The following DNAJC13 variants were observed in gnomAD, a reference collection of about 807,000 sequenced individuals.
The protein encoded by DNAJC13 is DnaJ heat shock protein family (Hsp40) member C13, also known as dnaJ homolog subfamily C member 13.
A neutral mutation model predicts 290.5 loss-of-function variants in DNAJC13; 75 were observed. That is an observed-to-expected ratio of 0.26 (90% CI 0.21 to 0.31). DNAJC13 has a LOEUF of 0.31. Among genes scored for constraint, DNAJC13 ranks in the 10% least tolerant of loss-of-function variants. DNAJC13 has a pLI of 1.00. For missense variants in DNAJC13, 2,260 were observed against 2,674.5 expected, an observed-to-expected ratio of 0.85 and a Z score of 3.42; for synonymous variants, 862 against 892.0, an observed-to-expected ratio of 0.97 and a Z score of 0.60.
intron 6 of DNAJC13, among the ~76,000 whole-genome samples, chr3:132,452,789 G>A (rs1027492559): frequency 1.6e-4 from 25 of 152,308 alleles, no homozygotes; most frequent in African/African-American, 5.3e-4. Flanking sequence ...TACTCATCCT[G>A]TAGCCTGTTC....
rs201731372 is a variant in DNAJC13 at position 132,477,807 on chromosome 3, G to T, written c.2464G>T (p.Ala822Ser). 2 of 1,611,954 alleles carry T rather than the reference G, an allele frequency of 1.2e-6. No homozygotes were observed. The highest frequency in any genetic ancestry group is 1.7e-6 in the Non-Finnish European group (2 of 1,179,234). The change falls in exon 23 of 56, where the codon GCA becomes TCA. Residue 822 changes from alanine to serine, a missense_variant. Ala to Ser is a moderately conservative substitution (Grantham distance 99). This residue lies in a region of DNAJC13 where 4 missense variants were observed against 16.7 expected (regional missense o/e 0.24). Transcript: ENST00000260818. ...TATGAAGGTTAAATATGAGTGCCTG[G>T]CAGAGGAAATTAAAATAGGAGACTA... ...HEFEVKYECLAEEIKIGDYYL... is the reference protein window; with the variant it reads ...HEFEVKYECLSEEIKIGDYYL...
In DNAJC13 at chr3:132,522,544, C is replaced by T. The variant is rs76557148; in HGVS notation, c.5674-284C>T. Among the ~76,000 whole-genome samples the T allele has an allele frequency of 4.4e-3, 672 of 152,106 alleles. 4 individuals are homozygous for T. The highest frequency in any genetic ancestry group is 0.016 in the African/African-American group (653 of 41,498). ...TGGGAACTTTACCATACTAGTGATA[C>T]GGAGGCAGGGGGTGAAAATGAAACT... On this transcript the variant is annotated intron_variant, in intron 48 of 55. Transcript: ENST00000260818.
chr3:132,482,300 A>G lies in DNAJC13; in HGVS notation c.2949A>G (p.Lys983=). Residue 983 remains lysine (K), a synonymous_variant, in exon 27 of 56, where the codon AAA becomes AAG. Coordinates refer to ENST00000260818, the MANE Select transcript of DNAJC13 (RefSeq NM_015268.4). ...EKEWYFGNAD[K]ERSGPYGFHE... Reference sequence around the variant, plus strand: ...AATGGTATTTTGGCAACGCAGACAAAGAAAGGAGTGGCCCGTATGGATTTC... The same window carrying G: ...AATGGTATTTTGGCAACGCAGACAAGGAAAGGAGTGGCCCGTATGGATTTC... The G allele has an allele frequency of 6.2e-7, 1 of 1,613,840 alleles. No individual in the cohort carries two copies. The highest frequency in any genetic ancestry group is 8.5e-7 in the Non-Finnish European group (1 of 1,179,788).
At chr3:132,440,022 C>T (rs1424887296) in intron 2 of DNAJC13, among the ~76,000 whole-genome samples, 1 of 152,198 alleles carries the variant, frequency 6.6e-6, no homozygotes, top group Non-Finnish European at 1.5e-5. Context: ...CTTTGGGAGG[C>T]CAAGGCTGGA....
At chr3:132,466,115 T>G in intron 18 of DNAJC13, 45 bp downstream of exon 18, 2 of 1,522,762 alleles carry the variant, frequency 1.3e-6, no homozygotes, top group Non-Finnish European at 1.8e-6. Flanking sequence ...TAATAAAATT[T>G]AATTGAACAA....
At chr3:132,432,500 C>G (rs1485025643) in intron 1 of DNAJC13, among the ~76,000 whole-genome samples, 1 of 152,074 alleles carries the variant, frequency 6.6e-6, no homozygotes, top group Non-Finnish European at 1.5e-5. Flanking sequence ...CCACCGCTCC[C>G]GGCCTCTACA....
intron 5 of DNAJC13, among the ~76,000 whole-genome samples, chr3:132,449,008 C>T (rs150029561): frequency 5.3e-5 from 8 of 152,064 alleles, no homozygotes; most frequent in Admixed American, 2.0e-4. Flanking sequence ...GTCTTTTGTA[C>T]CAGTTAACTT....
intron 1 of DNAJC13, among the ~76,000 whole-genome samples, chr3:132,428,679 C>G (rs1939167349): frequency 6.6e-6 from 1 of 152,028 alleles, no homozygotes; most frequent in Non-Finnish European, 1.5e-5. Context: ...ATCCTGAGAT[C>G]ATATATTGGT....
At chr3:132,499,679 C>G in intron 37 of DNAJC13, 55 bp from the exon 38 acceptor site, 2 of 1,451,930 alleles carry the variant, frequency 1.4e-6, no homozygotes, top group Non-Finnish European at 1.9e-6. Context: ...CTAGAAAAGG[C>G]CTTTCAGACT....
In DNAJC13 at chr3:132,494,299, CTTAA is replaced by C. The variant is rs1450308561; in HGVS notation, c.3941+41_3941+44del. ...GTACAATAGCAAATGTCTGTCCCAC[CTTAA>C]AGTACCAGTATCAAAGACTAAGTTA... On this transcript the variant is annotated intron_variant, in intron 34 of 55. Transcript: ENST00000260818. The C allele has an allele frequency of 4.2e-6, 6 of 1,411,794 alleles. No homozygotes were observed. The Admixed American group carries it at 1.0e-4, about 25-fold the overall frequency. The allele number at this position is 1,411,794 out of a possible 1,614,324, so 87.5% of individuals were successfully genotyped here.
At chr3:132,472,697 T>G in intron 20 of DNAJC13, 1 of 631,894 alleles carries the variant, frequency 1.6e-6, no homozygotes, top group Non-Finnish European at 2.0e-6. Flanking sequence ...GTAGACACAT[T>G]TCTTCTCCAT....
chr3:132,498,152 G>A (rs938795673), intron 36 of DNAJC13, among the ~76,000 whole-genome samples: 8 of 152,146 alleles, frequency 5.3e-5, no homozygotes, highest in African/African-American at 1.7e-4. Context: ...TTAACTAAAT[G>A]TAGTTTAAAA....
chr3:132,467,091 T>C (rs1934020665), intron 19 of DNAJC13, 79 bp from the exon 20 acceptor site: 5 of 1,456,724 alleles, frequency 3.4e-6, no homozygotes, highest in Non-Finnish European at 2.7e-6. Context: ...ATAAAATAGA[T>C]AGAATGACTC....
At chr3:132,538,098 G>GTTCTGACA in intron 55 of DNAJC13, 78 bp from the exon 56 acceptor site, 1 of 1,168,496 alleles carries the variant, frequency 8.6e-7, no homozygotes, top group South Asian at 1.3e-5. Context: ...GCCTGAGCAG[G>GTTCTGACA]TTCTGACATT....
chr3:132,525,533 C>T, intron 51 of DNAJC13, 77 bp from the exon 52 acceptor site: 1 of 1,457,036 alleles, frequency 6.9e-7, no homozygotes, highest in Non-Finnish European at 9.3e-7. Context: ...TAGTTTTGAA[C>T]ACCAAATACA....
rs1313540971 is a variant in DNAJC13, at chr3:132,500,873, GCATCAT to G, written c.4499_4504del (p.Ile1500_Ile1501del). The G allele has an allele frequency of 4.3e-6, 7 of 1,614,062 alleles. No homozygotes were observed. The highest frequency in any genetic ancestry group is 5.9e-6 in the Non-Finnish European group (7 of 1,179,964). Reference sequence around the variant, plus strand: ...CGAGAGAAGATCACGGAAATGCCTAGCATCATCAAGGATCTCTGTCGGGTACTATAT... The same window carrying G: ...CGAGAGAAGATCACGGAAATGCCTAGCAAGGATCTCTGTCGGGTACTATAT... On this transcript the variant is annotated inframe_deletion, in exon 39 of 56. Coordinates refer to ENST00000260818, the MANE Select transcript of DNAJC13 (RefSeq NM_015268.4).
intron 43 of DNAJC13, among the ~76,000 whole-genome samples, chr3:132,508,784 T>A (rs1935676269): frequency 6.6e-6 from 1 of 152,184 alleles, no homozygotes; most frequent in African/African-American, 2.4e-5. Context: ...TTTTAAAAAA[T>A]TATGCTAAAT....
At position 132,488,334 on chromosome 3, in the gene DNAJC13, G is replaced by A; in HGVS notation, c.3304G>A (p.Val1102Ile). 1.2e-6 allele frequency: 2 copies of A among 1,612,550 alleles called. No individual in the cohort carries two copies. Among genetic ancestry groups the A allele is most frequent in the Non-Finnish European group, 8.5e-7 (1 of 1,179,350 alleles). The change falls in exon 30 of 56, where the codon GTT (valine) becomes ATT (isoleucine). Residue 1102 changes from valine (V) to isoleucine (I), a missense_variant. Physicochemically the swap from Val to Ile is conservative, Grantham distance 29. Transcript: ENST00000260818. Reference protein sequence around the residue: ...LTFDPILVEKVAILLYHIMQD... With the variant: ...LTFDPILVEKIAILLYHIMQD... ...CTTTGACCCTATCCTTGTTGAGAAG[G>A]TTGCTATTTTGTTATACCATATCAT...
rs1180139068 is a variant in DNAJC13 at position 132,484,623 on chromosome 3, A to C, written c.3218A>C (p.Lys1073Thr). The C allele has an allele frequency of 6.2e-7, 1 of 1,614,138 alleles. No homozygotes were observed. The change falls in exon 29 of 56, where the codon AAA becomes ACA. Residue 1073 changes from lysine (K) to threonine (T), a missense_variant. Physicochemically the swap from Lys to Thr is moderately conservative, Grantham distance 78. Coordinates refer to ENST00000260818, the MANE Select transcript of DNAJC13 (RefSeq NM_015268.4). ...AATGCCATCATTCGGCCTCTACCCA[A>C]AGTGAAAAGACTGCTGTCAGATAGC... The part of the protein sequence containing the change: ...QDNAIIRPLP[K>T]VKRLLSDSTC...
Sources: gnomAD v4.1 joint callset for allele counts (sites outside exome capture counted in the v4.1 genomes callset) on GRCh38, gnomAD v4.1.1 for gene constraint, gnomAD v4.1.1 regional missense constraint, MANE v1.5 for transcripts, NCBI Gene and HGNC (gene_info 2026-07-23, HGNC 2026-07-21) for gene names.